TSHZ1: variants seen among roughly 807,000 people sequenced by gnomAD.
TSHZ1 encodes teashirt homolog 1.
In TSHZ1, 12 loss-of-function variants were observed where a neutral mutation model predicts 67.1. The observed-to-expected ratio is 0.18, with a 90% CI of 0.11 to 0.29. The LOEUF (loss-of-function observed/expected upper bound fraction) is 0.29. Ranked by LOEUF, TSHZ1 falls within the 10% of genes least tolerant of loss-of-function variation. TSHZ1 has a pLI of 1.00. For missense variants in TSHZ1, 1,305 were observed against 1,413.9 expected, an observed-to-expected ratio of 0.92 and a Z score of 1.23; for synonymous variants, 632 against 622.4, an observed-to-expected ratio of 1.02 and a Z score of -0.23.
chr18:75,285,513 C>T lies in TSHZ1; in HGVS notation c.106C>T (p.Leu36=), dbSNP rs750631214. The T allele has an allele frequency of 5.9e-6, 9 of 1,536,400 alleles. No homozygotes were observed. The highest frequency in any genetic ancestry group is 7.0e-6 in the Non-Finnish European group (8 of 1,137,870). ...IDEEHVEDDG[L]SLDIQESEYM... ...TGAAGAGCACGTGGAGGATGACGGGCTGTCTTTGGACATTCAGGAAAGTGA... is the reference window on the plus strand; with the variant it reads ...TGAAGAGCACGTGGAGGATGACGGGTTGTCTTTGGACATTCAGGAAAGTGA... Residue 36 remains leucine, a synonymous_variant, in exon 2 of 2, where the codon CTG becomes TTG. Transcript: ENST00000580243.
intron 1 of TSHZ1, among the ~76,000 whole-genome samples, chr18:75,215,224 G>T (rs1029258131): frequency 1.3e-5 from 2 of 152,210 alleles, no homozygotes; most frequent in African/African-American, 4.8e-5. Flanking sequence ...TTAAAAATCA[G>T]TCTTTTCAGG....
intron 1 of TSHZ1, among the ~76,000 whole-genome samples, chr18:75,230,604 A>G (rs1267979703): frequency 6.6e-6 from 1 of 152,190 alleles, no homozygotes; most frequent in Non-Finnish European, 1.5e-5. Flanking sequence ...TTGCTAGGCA[A>G]TCAACCCAGC....
intron 1 of TSHZ1, among the ~76,000 whole-genome samples, chr18:75,242,078 A>G (rs897393296): frequency 2.0e-5 from 3 of 151,848 alleles, no homozygotes; most frequent in Admixed American, 1.3e-4. Context: ...ACCAAAGGAC[A>G]AAATTACATT....
intron 1 of TSHZ1, among the ~76,000 whole-genome samples, chr18:75,229,027 G>A (rs1187359554): frequency 6.6e-6 from 1 of 152,252 alleles, no homozygotes. Flanking sequence ...CCATTTCAGG[G>A]GTTTTGTTGC....
rs560886039 is a variant in TSHZ1, at chr18:75,283,113, G to A, written c.41-2335G>A. On this transcript the variant is annotated intron_variant, in intron 1 of 1. Transcript: ENST00000580243. ...CACAGTGGGAGGGGCCTGGGGCCAA[G>A]GCCAGCACATGCTCAGGCCTGCCGA... 8 of 152,474 alleles carry A rather than the reference G, an allele frequency of 5.2e-5. No individual in the cohort carries two copies. In the South Asian group the frequency reaches 1.2e-3, roughly 24 times the overall value. 9.4% of individuals were successfully genotyped at this position (152,474 alleles called of 1,614,324 possible).
At chr18:75,277,284 AT>A (rs2023625074) in intron 1 of TSHZ1, among the ~76,000 whole-genome samples, 1 of 152,058 alleles carries the variant, frequency 6.6e-6, no homozygotes, top group South Asian at 2.1e-4. Context: ...CATTGTTCCC[AT>A]TTATTTGAGT....
chr18:75,220,144 G>A (rs146389948), intron 1 of TSHZ1, among the ~76,000 whole-genome samples: 1,612 of 152,286 alleles, frequency 0.011, 19 homozygotes, highest in Non-Finnish European at 0.016. Flanking sequence ...AAAGACTTAG[G>A]CTTGCGGGCA....
chr18:75,288,488 G>A lies in TSHZ1; in HGVS notation c.3081G>A (p.Gly1027=), dbSNP rs1259772220. The A allele has an allele frequency of 6.2e-7, 1 of 1,614,054 alleles. No individual in the cohort carries two copies. The highest frequency in any genetic ancestry group is 8.5e-7 in the Non-Finnish European group (1 of 1,180,046). The part of the protein sequence containing the change: ...VLTNKTLGPL[G]ATEEDLGSTF... Reference sequence around the variant, plus strand: ...CCAACAAAACTCTGGGCCCACTGGGGGCCACCGAGGAAGACTTGGGCTCCA... The same window carrying A: ...CCAACAAAACTCTGGGCCCACTGGGAGCCACCGAGGAAGACTTGGGCTCCA... Residue 1027 remains glycine, a synonymous_variant, in exon 2 of 2, where the codon GGG becomes GGA. Transcript: ENST00000580243. The surrounding 1 kb of genome is among the most constrained non-coding windows in gnomAD (Gnocchi z 4.9).
At chr18:75,273,395 A>G (rs764582013) in intron 1 of TSHZ1, among the ~76,000 whole-genome samples, 1 of 152,238 alleles carries the variant, frequency 6.6e-6, no homozygotes, top group East Asian at 1.9e-4. Flanking sequence ...ACTTCACCAC[A>G]TTTAGCCATT....
At chr18:75,239,273 T>G (rs2023123459) in intron 1 of TSHZ1, among the ~76,000 whole-genome samples, 1 of 152,258 alleles carries the variant, frequency 6.6e-6, no homozygotes, top group Non-Finnish European at 1.5e-5. Context: ...ATGTGAGTAA[T>G]TGATGCTTCT....
chr18:75,214,065 T>A (rs1465472853), intron 1 of TSHZ1, among the ~76,000 whole-genome samples: 1 of 152,252 alleles, frequency 6.6e-6, no homozygotes, highest in Non-Finnish European at 1.5e-5. Context: ...GTAAGTTTAA[T>A]TACAGGGTTT....
At chr18:75,278,241 A>G (rs2023638914) in intron 1 of TSHZ1, among the ~76,000 whole-genome samples, 1 of 131,986 alleles carries the variant, frequency 7.6e-6, no homozygotes, top group South Asian at 2.8e-4. Context: ...GCTGTGTGTG[A>G]CAGGTATAGC....
rs533094149 is a variant in TSHZ1 at position 75,270,845 on chromosome 18, C to T, written c.41-14603C>T. 2.0e-5 allele frequency among the ~76,000 whole-genome samples: 3 copies of T among 152,070 alleles called. No individual in the cohort carries two copies. In the South Asian group the frequency reaches 6.2e-4, roughly 32 times the overall value. ...TTCTTTTTTTCTGAATCTTTTCTTT[C>T]CCCGTCTGTTTTCATTAAGTGAAGC... On this transcript the variant is annotated intron_variant, in intron 1 of 1. Transcript: ENST00000580243.
chr18:75,241,020 A>G (rs534986328), intron 1 of TSHZ1, among the ~76,000 whole-genome samples: 85 of 152,318 alleles, frequency 5.6e-4, no homozygotes, highest in Non-Finnish European at 8.8e-4. Context: ...TACCTGCACC[A>G]TGGGCAGAGC....
At chr18:75,259,786 G>A (rs187520234) in intron 1 of TSHZ1, among the ~76,000 whole-genome samples, 1 of 152,176 alleles carries the variant, frequency 6.6e-6, no homozygotes, top group East Asian at 1.9e-4. Context: ...TACCTTATTG[G>A]CAAATGTTCA....
intron 1 of TSHZ1, among the ~76,000 whole-genome samples, chr18:75,230,095 C>T (rs1169361882): frequency 6.6e-6 from 1 of 152,184 alleles, no homozygotes; most frequent in East Asian, 1.9e-4. Context: ...GAACATATGA[C>T]ATGTCTACAA....
At chr18:75,246,849 A>C (rs1458546533) in intron 1 of TSHZ1, among the ~76,000 whole-genome samples, 1 of 149,200 alleles carries the variant, frequency 6.7e-6, no homozygotes, top group Non-Finnish European at 1.5e-5. Flanking sequence ...GAAGGCTGCT[A>C]TCAAGTAGAC....
In TSHZ1 at chr18:75,286,975, G is replaced by T; in HGVS notation, c.1568G>T (p.Ser523Ile). Residue 523 changes from serine to isoleucine, a missense_variant, in exon 2 of 2, where the codon AGC becomes ATC. Physicochemically the swap from Ser to Ile is moderately radical, Grantham distance 142. Around this residue, in one of 3 missense-constraint regions of TSHZ1, gnomAD observed 909 missense variants for 961.8 expected, o/e 0.95. Transcript: ENST00000580243. The surrounding 1 kb of genome is among the most constrained non-coding windows in gnomAD (Gnocchi z 5.1). ...AEKIKEESEDSLEKFEPSTLY... is the reference protein window; with the variant it reads ...AEKIKEESEDILEKFEPSTLY... Reference sequence around the variant, plus strand: ...AAGATCAAGGAGGAGAGTGAGGACAGCTTGGAGAAATTTGAGCCCAGCACC... The same window carrying T: ...AAGATCAAGGAGGAGAGTGAGGACATCTTGGAGAAATTTGAGCCCAGCACC... 2 of 1,614,090 alleles carry T rather than the reference G, an allele frequency of 1.2e-6. No individual in the cohort carries two copies. The highest frequency in any genetic ancestry group is 1.7e-6 in the Non-Finnish European group (2 of 1,180,034).
chr18:75,234,428 T>A, intron 1 of TSHZ1, among the ~76,000 whole-genome samples: 1 of 152,188 alleles, frequency 6.6e-6, no homozygotes, highest in East Asian at 1.9e-4. Context: ...TTGCACAGTT[T>A]TAAAAGTTAT....
Sources: allele counts gnomAD v4.1 joint callset (sites outside exome capture counted in the v4.1 genomes callset), GRCh38; gene constraint gnomAD v4.1.1; regional missense constraint gnomAD v4.1.1; non-coding constraint Gnocchi (gnomAD v3.1); transcripts MANE v1.5; gene names NCBI Gene and HGNC (gene_info 2026-07-23, HGNC 2026-07-21).